MYBPC1: variants seen among roughly 807,000 people sequenced by gnomAD.
MYBPC1 encodes myosin binding protein C1, also known as myosin-binding protein C, slow-type.
A neutral mutation model predicts 147.1 loss-of-function variants in MYBPC1; 52 were observed. That is an observed-to-expected ratio of 0.35 (90% CI 0.28 to 0.45). The LOEUF is 0.45. MYBPC1 is among the 20% of genes least tolerant of loss of function. MYBPC1 has a pLI of 1.00. For synonymous variants in MYBPC1, 477 were observed against 475.9 expected (o/e 1.00, Z -0.03); for missense variants, 1,228 against 1,440.3 (o/e 0.85, Z 2.39).
chr12:101,595,768 A>G (rs920021538), intron 1 of MYBPC1, among the ~76,000 whole-genome samples: 1 of 152,188 alleles, frequency 6.6e-6, no homozygotes, highest in Non-Finnish European at 1.5e-5. Flanking sequence ...GTAGGCTTTA[A>G]GAATAGTTAA....
rs1697477 is a variant in MYBPC1, at chr12:101,594,996, G to A, written c.-75G>A. 8.2e-6 allele frequency: 12 copies of A among 1,457,772 alleles called. No individual in the cohort carries two copies. The highest frequency in any genetic ancestry group is 4.6e-5 in the South Asian group (4 of 87,006). 90.3% of individuals were successfully genotyped at this position (1,457,772 alleles called of 1,614,324 possible). A position where few individuals can be genotyped will look rare whatever the true frequency, so the allele number is the denominator to read the frequency against. ...GTCACACCGACCTGCACCATCTCTC[G>A]CCTGCCTGTGGGGTTTCTGTCAACT... On this transcript the variant is annotated 5_prime_UTR_variant, in exon 1 of 32. Coordinates refer to ENST00000361466, the MANE Select transcript of MYBPC1 (RefSeq NM_002465.4).
chr12:101,613,404 C>A (rs978671527), intron 1 of MYBPC1, among the ~76,000 whole-genome samples: 1 of 152,130 alleles, frequency 6.6e-6, no homozygotes, highest in African/African-American at 2.4e-5. Flanking sequence ...TCCCAGGATT[C>A]CACAATGTGC....
intron 4 of MYBPC1, 140 bp downstream of exon 4, chr12:101,627,050 A>G (rs1888768892): frequency 1.7e-5 from 13 of 751,168 alleles, no homozygotes; most frequent in Admixed American, 2.6e-5. Context: ...TGGCACCAAG[A>G]AGGAAATGTT....
intron 8 of MYBPC1, among the ~76,000 whole-genome samples, chr12:101,633,101 T>G (rs1437528388): frequency 6.6e-6 from 1 of 152,202 alleles, no homozygotes; most frequent in Non-Finnish European, 1.5e-5. Context: ...GTGATACTTC[T>G]CTCTACAACA....
rs562978596 is a variant in MYBPC1 at position 101,670,738 on chromosome 12, A to G, written c.2613+329A>G. 5.6e-4 allele frequency among the ~76,000 whole-genome samples: 85 copies of G among 152,312 alleles called. 1 individual carries two copies. Among genetic ancestry groups the G allele is most frequent in the African/African-American group, 1.9e-3 (79 of 41,554 alleles). ...TGCTTGAAGACTCTTTTGGTCCTATACGTTTGTAAAACCCATCATTTTAAG... is the reference window on the plus strand; with the variant it reads ...TGCTTGAAGACTCTTTTGGTCCTATGCGTTTGTAAAACCCATCATTTTAAG... On this transcript the variant is annotated intron_variant, in intron 24 of 31. Transcript: ENST00000361466.
downstream of MYBPC1, among the ~76,000 whole-genome samples, chr12:101,686,562 T>C (rs1023447743): frequency 6.6e-6 from 1 of 152,260 alleles, no homozygotes; most frequent in African/African-American, 2.4e-5. Flanking sequence ...TCCTTTACTC[T>C]TCCTGATATA....
intron 1 of MYBPC1, among the ~76,000 whole-genome samples, chr12:101,614,070 C>T (rs1318653953): frequency 1.3e-5 from 2 of 152,158 alleles, no homozygotes; most frequent in African/African-American, 2.4e-5. Flanking sequence ...CATTGTGTTT[C>T]ACTTCATCCT....
At chr12:101,604,667 C>G (rs1881438752) in intron 1 of MYBPC1, among the ~76,000 whole-genome samples, 1 of 151,974 alleles carries the variant, frequency 6.6e-6, no homozygotes, top group Non-Finnish European at 1.5e-5. Flanking sequence ...CATGTGACAC[C>G]CTGAGGGCCC....
At chr12:101,644,983 CT>C (rs901000854) in intron 12 of MYBPC1, among the ~76,000 whole-genome samples, 187 bp downstream of exon 12, 34 of 151,976 alleles carry the variant, frequency 2.2e-4, no homozygotes, top group African/African-American at 7.2e-4. Flanking sequence ...TAAACTAAAC[CT>C]TTTTTTATGT....
intron 18 of MYBPC1, among the ~76,000 whole-genome samples, chr12:101,654,753 T>G (rs1316520926): frequency 1.3e-5 from 2 of 152,188 alleles, no homozygotes; most frequent in Admixed American, 1.3e-4. Flanking sequence ...CCAATAGTAG[T>G]GCCTGTTCCC....
rs544413682 is a variant in MYBPC1, at chr12:101,672,826, C to T, written c.2614-601C>T. On this transcript the variant is annotated intron_variant, in intron 24 of 31. Transcript: ENST00000361466. ...TTGTGCCACTGCACTCCAGCCTGGG[C>T]GACAAGAGCCAAACTCTGTCAAAAA... is the stretch of plus-strand genomic sequence containing the variant. Among the ~76,000 whole-genome samples the T allele has an allele frequency of 1.6e-4, 25 of 152,062 alleles. No homozygotes were observed. The South Asian group carries it at 3.5e-3, about 21-fold the overall frequency.
intron 9 of MYBPC1, among the ~76,000 whole-genome samples, chr12:101,635,330 G>T (rs192953036): frequency 6.6e-6 from 1 of 151,932 alleles, no homozygotes; most frequent in African/African-American, 2.4e-5. Flanking sequence ...TTGTTCTTCC[G>T]AAGACTGAAT....
chr12:101,623,327 A>G (rs1180951098), intron 3 of MYBPC1, among the ~76,000 whole-genome samples: 1 of 152,234 alleles, frequency 6.6e-6, no homozygotes, highest in Non-Finnish European at 1.5e-5. Context: ...CGATAGAGGG[A>G]GACTCTGTCT....
Position 101,644,650 on chromosome 12 carries a change from T to G in MYBPC1, c.833-14T>G. The G allele has an allele frequency of 6.2e-7, 1 of 1,607,510 alleles. No homozygotes were observed. The highest frequency in any genetic ancestry group is 8.5e-7 in the Non-Finnish European group (1 of 1,173,992). ...ACATATATTAACATACTTTTGCTTCTTCTATTCTATCAGCTTTTGCAAAAA... is the reference window on the plus strand; with the variant it reads ...ACATATATTAACATACTTTTGCTTCGTCTATTCTATCAGCTTTTGCAAAAA... On this transcript the variant is annotated splice_polypyrimidine_tract_variant and intron_variant, in intron 11 of 31. Transcript: ENST00000361466.
At chr12:101,610,587 C>T (rs11110886) in intron 1 of MYBPC1, among the ~76,000 whole-genome samples, 81,422 of 151,974 alleles carry the variant, frequency 0.54, 23,583 homozygotes, top group African/African-American at 0.76. Context: ...CTATGTGACA[C>T]TTGCCATGTT....
intron 1 of MYBPC1, among the ~76,000 whole-genome samples, chr12:101,597,785 A>T (rs572244332): frequency 2.0e-5 from 3 of 152,298 alleles, no homozygotes; most frequent in Non-Finnish European, 4.4e-5. Flanking sequence ...TGTACTGTCT[A>T]TTCCAGATAA....
chr12:101,691,600 A>G, the MYBPC1 span, among the ~76,000 whole-genome samples: 1 of 152,348 alleles, frequency 6.6e-6, no homozygotes, highest in East Asian at 1.9e-4. Context: ...CTAAATCAAG[A>G]TGTTCTTTCT....
chr12:101,637,649 T>C (rs1380359255), intron 10 of MYBPC1, among the ~76,000 whole-genome samples: 1 of 152,186 alleles, frequency 6.6e-6, no homozygotes, highest in African/African-American at 2.4e-5. Flanking sequence ...CTTTTAAAAT[T>C]ACTTTTAGTG....
intron 23 of MYBPC1, 34 bp downstream of exon 23, chr12:101,667,933 T>C: frequency 6.2e-7 from 1 of 1,603,348 alleles, no homozygotes; most frequent in Non-Finnish European, 8.5e-7. Context: ...TTAGACTCCA[T>C]TTTACATGGT....
Sources: gnomAD v4.1 joint callset for allele counts (sites outside exome capture counted in the v4.1 genomes callset) on GRCh38, gnomAD v4.1.1 for gene constraint, MANE v1.5 for transcripts, NCBI Gene and HGNC (gene_info 2026-07-23, HGNC 2026-07-21) for gene names.